Variants in ENTPD5 observed in about 807,000 individuals in gnomAD.
ENTPD5 encodes ectonucleoside triphosphate diphosphohydrolase 5 (inactive).
Under a neutral mutation model 60.2 loss-of-function variants are expected in ENTPD5, and 49 were observed. That is an observed-to-expected ratio of 0.81 (90% confidence interval 0.65 to 1.03). The LOEUF (loss-of-function observed/expected upper bound fraction) is 1.03. ENTPD5 is among the 50% of genes least tolerant of loss of function. The probability of loss-of-function intolerance (pLI) is 0.00; values close to 1 mark genes in which losing one functional copy is unlikely to be tolerated. For missense variants in ENTPD5, 480 were observed against 507.6 expected (o/e 0.95, Z 0.52); for synonymous variants, 187 against 185.4 (o/e 1.01, Z -0.07).
chr14:73,977,717 G>C (rs2057502873), intron 6 of ENTPD5, among the ~76,000 whole-genome samples: 1 of 152,126 alleles, frequency 6.6e-6, no homozygotes, highest in Admixed American at 6.6e-5. Flanking sequence ...ACTCTACCTG[G>C]ACATACACTG....
Position 73,987,878 on chromosome 14 carries a change from G to A in ENTPD5, c.217+8C>T, listed in dbSNP as rs768985783. On this transcript the variant is annotated splice_region_variant and intron_variant, in intron 4 of 15. Transcript: ENST00000334696. ...ACAGACTCTACTAAGGGTCCCAGTT[G>A]CACTTACCTGGCATTTTCTGCACAA... The A allele has an allele frequency of 1.3e-5, 21 of 1,613,694 alleles. No homozygotes were observed. The highest frequency in any genetic ancestry group is 1.7e-5 in the Non-Finnish European group (20 of 1,179,836).
At chr14:73,976,985 G>C in intron 8 of ENTPD5, 39 bp downstream of exon 8, 2 of 1,551,858 alleles carry the variant, frequency 1.3e-6, no homozygotes, top group Non-Finnish European at 1.8e-6. Flanking sequence ...GCATGTAAAA[G>C]CTAGTTAAGC....
At chr14:73,999,261 G>A (rs1294787065) in intron 3 of ENTPD5, among the ~76,000 whole-genome samples, 1 of 152,046 alleles carries the variant, frequency 6.6e-6, no homozygotes, top group African/African-American at 2.4e-5. Context: ...GCCAAAGTGG[G>A]TGGATTACCT....
chr14:73,957,459 G>C (rs2056492701), downstream of ENTPD5, among the ~76,000 whole-genome samples: 1 of 152,182 alleles, frequency 6.6e-6, no homozygotes, highest in African/African-American at 2.4e-5. Flanking sequence ...TATACAGGCT[G>C]ATGTTTTTGG....
intron 3 of ENTPD5, among the ~76,000 whole-genome samples, chr14:74,009,872 A>G (rs1288288829): frequency 6.6e-6 from 1 of 151,986 alleles, no homozygotes; most frequent in Non-Finnish European, 1.5e-5. Flanking sequence ...GCTCATTGCA[A>G]GCTCCACCTC....
chr14:73,972,068 T>C (rs975240093), intron 13 of ENTPD5, among the ~76,000 whole-genome samples, 160 bp from the exon 14 acceptor site: 3 of 151,926 alleles, frequency 2.0e-5, no homozygotes, highest in Non-Finnish European at 4.4e-5. Context: ...TTAACCACAA[T>C]GGAAAAAACA....
At chr14:73,992,285 C>T (rs1163973990) in intron 3 of ENTPD5, among the ~76,000 whole-genome samples, 2 of 152,126 alleles carry the variant, frequency 1.3e-5, no homozygotes, top group Non-Finnish European at 2.9e-5. Flanking sequence ...CAAAATACTT[C>T]GTATATTTGG....
chr14:73,992,353 A>C (rs976488671), intron 3 of ENTPD5, among the ~76,000 whole-genome samples: 4 of 152,160 alleles, frequency 2.6e-5, no homozygotes, highest in Non-Finnish European at 5.9e-5. Flanking sequence ...GGGTTTATCA[A>C]AATGTCTCCC....
intron 6 of ENTPD5, 114 bp from the exon 7 acceptor site, chr14:73,977,488 A>G (rs1341919596): frequency 1.3e-6 from 1 of 788,860 alleles, no homozygotes; most frequent in Non-Finnish European, 1.9e-6. Flanking sequence ...TCCTAGATAA[A>G]ATTTTGGCAA....
downstream of ENTPD5, chr14:73,958,186 A>G (rs372715307): frequency 1.9e-6 from 3 of 1,614,092 alleles, no homozygotes; most frequent in Admixed American, 1.7e-5. Flanking sequence ...GCCATTCGCT[A>G]TACCTGGCCT....
chr14:74,001,367 T>G (rs1331226087), intron 3 of ENTPD5, among the ~76,000 whole-genome samples: 2 of 151,852 alleles, frequency 1.3e-5, no homozygotes, highest in African/African-American at 4.8e-5. Context: ...CTGGGTGTGA[T>G]GGCGGGTGCC....
Position 73,977,055 on chromosome 14 carries a change from T to C in ENTPD5, c.522A>G (p.Ile174Met). Reference protein sequence around the residue: ...VSIMDGSDEGILAWVTVNFLT... With the variant: ...VSIMDGSDEGMLAWVTVNFLT... ...GAAAATTCACAGTAACCCAAGCTAA[T>C]ATGCCTAAAAAGAAAGAAAGACAAG... Residue 174 changes from isoleucine to methionine, a missense_variant, in exon 8 of 16, where the codon ATA becomes ATG. Transcript: ENST00000334696. The C allele has an allele frequency of 6.2e-7, 1 of 1,613,286 alleles. No homozygotes were observed. The highest frequency in any genetic ancestry group is 1.3e-5 in the African/African-American group (1 of 74,970).
chr14:73,992,261 C>T (rs950681847), intron 3 of ENTPD5, among the ~76,000 whole-genome samples: 1 of 152,132 alleles, frequency 6.6e-6, no homozygotes, highest in Admixed American at 6.6e-5. Flanking sequence ...ATTTCCCAGG[C>T]CCTTCAGCTC....
chr14:73,972,873 G>T lies in ENTPD5; in HGVS notation c.1027+11C>A. On this transcript the variant is annotated intron_variant, in intron 13 of 15. Transcript: ENST00000334696. ...CCTTCCTCTCTGGACTGACACCTGGGGTGAACTCACCAATCATGTCTGTGT... is the reference window on the plus strand; with the variant it reads ...CCTTCCTCTCTGGACTGACACCTGGTGTGAACTCACCAATCATGTCTGTGT... 1 of 1,613,592 alleles carries T rather than the reference G, an allele frequency of 6.2e-7. No homozygotes were observed. Among genetic ancestry groups the T allele is most frequent in the Non-Finnish European group, 8.5e-7 (1 of 1,179,680 alleles).
At chr14:73,996,262 T>A in intron 3 of ENTPD5, 3 of 857,286 alleles carry the variant, frequency 3.5e-6, no homozygotes, top group Non-Finnish European at 4.2e-6. Context: ...TTTTGCTAAC[T>A]CACTCCCTTC....
intron 3 of ENTPD5, among the ~76,000 whole-genome samples, chr14:74,002,095 C>G (rs1275138819): frequency 6.6e-6 from 1 of 152,154 alleles, no homozygotes; most frequent in African/African-American, 2.4e-5. Context: ...CTCATTTAAT[C>G]TCACATTACT....
At chr14:73,980,320 A>G (rs1178261435) in intron 6 of ENTPD5, among the ~76,000 whole-genome samples, 3 of 150,928 alleles carry the variant, frequency 2.0e-5, no homozygotes, top group African/African-American at 7.3e-5. Flanking sequence ...GCTGGAGTGC[A>G]GTGGCGTGAT....
intron 3 of ENTPD5, among the ~76,000 whole-genome samples, chr14:74,007,035 CTTGTA>C (rs1253108877): frequency 2.0e-5 from 3 of 152,154 alleles, no homozygotes; most frequent in Non-Finnish European, 4.4e-5. Flanking sequence ...AAAGAAAATA[CTTGTA>C]TTGGCAGAAT....
At chr14:73,955,413 G>A, downstream of ENTPD5, 1 of 1,568,518 alleles carries the variant, frequency 6.4e-7, no homozygotes. Context: ...CCAGGTCCTT[G>A]TGAAGTCACT....
Sources: gnomAD v4.1 joint callset for allele counts (sites outside exome capture counted in the v4.1 genomes callset) on GRCh38, gnomAD v4.1.1 for gene constraint, MANE v1.5 for transcripts, NCBI Gene and HGNC (gene_info 2026-07-23, HGNC 2026-07-21) for gene names.